The following DCAF8L2 variants were observed in gnomAD, a reference collection of about 807,000 sequenced individuals.
The protein encoded by DCAF8L2 is DDB1 and CUL4 associated factor 8 like 2.
For missense variants in DCAF8L2, 430 were observed against 490.7 expected (o/e 0.88, Z 1.17); for synonymous variants, 200 against 190.9 (o/e 1.05, Z -0.39).
At chrX:27,520,322 G>C in the DCAF8L2 span, among the ~76,000 whole-genome samples, 1 of 111,894 alleles carries the variant, frequency 8.9e-6, no homozygotes, top group African/African-American at 3.2e-5. Flanking sequence ...AAAAGCTGTA[G>C]AGAACATTAA....
At chrX:27,737,834 C>T (rs1462260911) in intron 4 of DCAF8L2, among the ~76,000 whole-genome samples, 1 of 109,469 alleles carries the variant, frequency 9.1e-6, no homozygotes, top group Non-Finnish European at 1.9e-5. Flanking sequence ...GTTTTGCCAA[C>T]ACCTTATGAA....
At chrX:27,671,395 G>A (rs1929948351) in intron 2 of DCAF8L2, among the ~76,000 whole-genome samples, 1 of 111,959 alleles carries the variant, frequency 8.9e-6, no homozygotes, top group Non-Finnish European at 1.9e-5. Context: ...GTACTATTAA[G>A]TAATATTTCC....
intron 2 of DCAF8L2, among the ~76,000 whole-genome samples, chrX:27,634,989 TAG>T (rs1187785568): frequency 1.8e-3 from 172 of 95,019 alleles, no homozygotes; most frequent in African/African-American, 6.2e-3. Context: ...CACACATATA[TAG>T]AGAGAGAGAG....
the DCAF8L2 span, among the ~76,000 whole-genome samples, chrX:27,512,510 C>G: frequency 1.9e-5 from 2 of 107,322 alleles, no homozygotes; most frequent in Non-Finnish European, 1.9e-5. Context: ...ATGGTGAAAC[C>G]CTGTCTTTAT....
the DCAF8L2 span, among the ~76,000 whole-genome samples, chrX:27,501,840 C>G: frequency 9.0e-6 from 1 of 110,504 alleles, no homozygotes; most frequent in Middle Eastern, 4.3e-3. Context: ...AGTGGAGAAT[C>G]GTGTTTTCAA....
Position 27,748,024 on chromosome X carries a change from G to A in DCAF8L2, c.1129G>A (p.Ala377Thr), listed in dbSNP as rs757287423. 9.1e-6 allele frequency: 11 copies of A among 1,210,050 alleles called. No homozygotes were observed. The Admixed American group carries it at 1.1e-4, about 12-fold the overall frequency. Residue 377 changes from alanine to threonine, a missense_variant, in exon 5 of 5, where the codon GCC becomes ACC. By Grantham distance (58) the Ala-to-Thr change is moderately conservative. Transcript: ENST00000451261. ...ACTGTATACAATTACTGTGAATCCC[G>A]CCAATACCTACCAATTTGCAGTGGG... is the stretch of plus-strand genomic sequence containing the variant. Reference protein sequence around the residue: ...VGLYTITVNPANTYQFAVGGQ... With the variant: ...VGLYTITVNPTNTYQFAVGGQ...
the DCAF8L2 span, among the ~76,000 whole-genome samples, chrX:27,536,081 A>T: frequency 1.8e-5 from 2 of 112,043 alleles, no homozygotes; most frequent in African/African-American, 6.5e-5. Flanking sequence ...ATGCTATAAA[A>T]ATACTACCTC....
chrX:27,472,193 C>T, the DCAF8L2 span, among the ~76,000 whole-genome samples: 3,502 of 110,986 alleles, frequency 0.032, 67 homozygotes, highest in Middle Eastern at 0.061. Flanking sequence ...TTTATGTCTA[C>T]GTTATAAAAT....
At chrX:27,736,931 A>G (rs1486389209) in intron 4 of DCAF8L2, among the ~76,000 whole-genome samples, 1 of 111,879 alleles carries the variant, frequency 8.9e-6, no homozygotes, top group Non-Finnish European at 1.9e-5. Flanking sequence ...TTGCATGAAG[A>G]AGCAGATATG....
the DCAF8L2 span, among the ~76,000 whole-genome samples, chrX:27,578,005 C>T: frequency 9.0e-6 from 1 of 111,309 alleles, no homozygotes; most frequent in African/African-American, 3.3e-5. Flanking sequence ...GTGCTACTCC[C>T]ATTAAACTAC....
chrX:27,555,887 T>A, the DCAF8L2 span, among the ~76,000 whole-genome samples: 2 of 111,063 alleles, frequency 1.8e-5, no homozygotes, highest in Non-Finnish European at 3.8e-5. Flanking sequence ...CTTAAAACAC[T>A]AACATCACGT....
At chrX:27,687,229 T>G (rs891144976) in intron 3 of DCAF8L2, among the ~76,000 whole-genome samples, 4 of 112,183 alleles carry the variant, frequency 3.6e-5, no homozygotes, top group African/African-American at 1.3e-4. Flanking sequence ...ATAAAATCTT[T>G]GCACAGAGGG....
intron 1 of DCAF8L2, chrX:27,627,536 GTTGT>G (rs772665918): frequency 4.5e-3 from 188 of 41,575 alleles, no homozygotes; most frequent in Middle Eastern, 0.035. Context: ...TGTTGTTTTT[GTTGT>G]GTGTGTGTGT....
the DCAF8L2 span, among the ~76,000 whole-genome samples, chrX:27,541,351 A>ATTTAT: frequency 2.0e-5 from 2 of 99,687 alleles, no homozygotes; most frequent in African/African-American, 3.8e-5. Context: ...TATTTTATTT[A>ATTTAT]TTTATTTATT....
At chrX:27,730,215 T>C (rs746392958) in intron 4 of DCAF8L2, among the ~76,000 whole-genome samples, 1 of 112,013 alleles carries the variant, frequency 8.9e-6, no homozygotes, top group South Asian at 3.7e-4. Context: ...TATTGGATTT[T>C]CTGCTAGTTT....
chrX:27,645,261 G>A (rs1274243848), intron 2 of DCAF8L2, among the ~76,000 whole-genome samples: 1 of 111,877 alleles, frequency 8.9e-6, no homozygotes, highest in Non-Finnish European at 1.9e-5. Flanking sequence ...CAAGGCTGGT[G>A]CAACATATGG....
intron 3 of DCAF8L2, among the ~76,000 whole-genome samples, chrX:27,681,826 T>A (rs1225708943): frequency 1.8e-5 from 2 of 112,429 alleles, no homozygotes; most frequent in Non-Finnish European, 1.9e-5. Flanking sequence ...TATTTTCTAA[T>A]TCAAAATTCC....
chrX:27,543,332 A>G, the DCAF8L2 span, among the ~76,000 whole-genome samples: 1 of 111,649 alleles, frequency 9.0e-6, no homozygotes, highest in Non-Finnish European at 1.9e-5. Flanking sequence ...ATTCTATTCC[A>G]TTGGTCTACA....
chrX:27,551,138 T>G, the DCAF8L2 span, among the ~76,000 whole-genome samples: 1 of 109,102 alleles, frequency 9.2e-6, no homozygotes, highest in African/African-American at 3.3e-5. Flanking sequence ...TGGGCATTCC[T>G]GTTCCCTGAA....
Sources: allele counts gnomAD v4.1 joint callset (sites outside exome capture counted in the v4.1 genomes callset), GRCh38; gene constraint gnomAD v4.1.1; transcripts MANE v1.5; gene names NCBI Gene and HGNC (gene_info 2026-07-23, HGNC 2026-07-21).